FGGY: variants seen among roughly 807,000 people sequenced by gnomAD.
FGGY encodes FGGY carbohydrate kinase domain-containing protein.
In FGGY, 72 loss-of-function variants were observed where a neutral mutation model predicts 71.3. The observed-to-expected ratio is 1.01, with a 90% CI of 0.84 to 1.23. The LOEUF (loss-of-function observed/expected upper bound fraction) is 1.23, where lower values mean the gene tolerates loss of function less well. FGGY is among the 50% of genes most tolerant of loss of function. The pLI is 0.00. For missense variants in FGGY, 668 were observed against 682.3 expected, an observed-to-expected ratio of 0.98 and a Z score of 0.23; for synonymous variants, 251 against 250.3, an observed-to-expected ratio of 1.00 and a Z score of -0.02.
chr1:59,521,798 G>A (rs779669406), intron 7 of FGGY, among the ~76,000 whole-genome samples: 1 of 152,150 alleles, frequency 6.6e-6, no homozygotes, highest in Non-Finnish European at 1.5e-5. Flanking sequence ...TAGGAAAAGG[G>A]AATGACTCCT....
intron 14 of FGGY, among the ~76,000 whole-genome samples, chr1:59,750,324 T>C (rs1198161390): frequency 6.6e-6 from 1 of 152,162 alleles, no homozygotes; most frequent in East Asian, 1.9e-4. Flanking sequence ...TTGGTAGGCA[T>C]TTTTATAATT....
At chr1:59,616,819 A>G (rs943000940) in intron 9 of FGGY, among the ~76,000 whole-genome samples, 7 of 152,022 alleles carry the variant, frequency 4.6e-5, no homozygotes, top group African/African-American at 1.7e-4. Context: ...CTTTTCATGT[A>G]TTATCTAATT....
intron 8 of FGGY, among the ~76,000 whole-genome samples, chr1:59,576,470 T>G (rs927080806): frequency 7.2e-5 from 11 of 152,094 alleles, no homozygotes; most frequent in South Asian, 6.2e-4. Context: ...AAAGCCTAGA[T>G]GACGGGTTGA....
chr1:59,626,268 A>C (rs1257379473), intron 10 of FGGY: 6 of 459,128 alleles, frequency 1.3e-5, no homozygotes, highest in Non-Finnish European at 2.4e-5. Flanking sequence ...GAATATACCC[A>C]GGGACTATAG....
chr1:59,609,701 T>C (rs2096656143), intron 9 of FGGY, among the ~76,000 whole-genome samples: 1 of 152,270 alleles, frequency 6.6e-6, no homozygotes, highest in African/African-American at 2.4e-5. Context: ...CAAAGCTGGA[T>C]GTATATGCAA....
intron 8 of FGGY, among the ~76,000 whole-genome samples, chr1:59,569,546 A>G (rs1479402358): frequency 6.6e-6 from 1 of 152,170 alleles, no homozygotes; most frequent in Non-Finnish European, 1.5e-5. Context: ...TAGAACCTGA[A>G]AGAACCACAT....
At chr1:59,344,228 C>T (rs1198926388) in intron 3 of FGGY, among the ~76,000 whole-genome samples, 1 of 151,204 alleles carries the variant, frequency 6.6e-6, no homozygotes, top group African/African-American at 2.4e-5. Flanking sequence ...GATATCTTTC[C>T]AGTTAGGCAA....
At chr1:59,453,122 C>T (rs1294779331) in intron 5 of FGGY, among the ~76,000 whole-genome samples, 2 of 152,158 alleles carry the variant, frequency 1.3e-5, no homozygotes, top group African/African-American at 4.8e-5. Flanking sequence ...TTCAATTGTA[C>T]TCACTAAACT....
chr1:59,361,531 TG>T (rs2055517719), intron 4 of FGGY, among the ~76,000 whole-genome samples: 1 of 152,182 alleles, frequency 6.6e-6, no homozygotes, highest in Non-Finnish European at 1.5e-5. Flanking sequence ...GGGCTGCAAA[TG>T]CAGTATAGTG....
At chr1:59,366,010 A>G (rs1158197813) in intron 4 of FGGY, among the ~76,000 whole-genome samples, 1 of 152,178 alleles carries the variant, frequency 6.6e-6, no homozygotes, top group Non-Finnish European at 1.5e-5. Flanking sequence ...GACCCCATCT[A>G]CTTCAGCCTT....
chr1:59,655,753 A>G (rs1398154896), intron 11 of FGGY, among the ~76,000 whole-genome samples: 1 of 152,218 alleles, frequency 6.6e-6, no homozygotes, highest in Non-Finnish European at 1.5e-5. Context: ...AGCTTACTGA[A>G]AAAAGTAATT....
intron 5 of FGGY, among the ~76,000 whole-genome samples, chr1:59,439,549 C>T (rs1331546969): frequency 2.0e-5 from 3 of 152,148 alleles, no homozygotes; most frequent in Non-Finnish European, 4.4e-5. Context: ...CCTTAAAGAT[C>T]CTTTTAAAGA....
intron 14 of FGGY, among the ~76,000 whole-genome samples, chr1:59,683,051 T>C: frequency 6.6e-6 from 1 of 152,210 alleles, no homozygotes; most frequent in South Asian, 2.1e-4. Context: ...CTGTAGGTAA[T>C]GATAAAAACG....
intron 13 of FGGY, among the ~76,000 whole-genome samples, chr1:59,669,540 C>CTTTTTTTTTTTTTTTTTTTTTT (rs58004594): frequency 2.0e-5 from 2 of 102,498 alleles, no homozygotes; most frequent in African/African-American, 3.8e-5. Context: ...TTCTAGACTT[C>CTTTTTTTTTTTTTTTTTTTTTT]TTTTTTTTTT....
At chr1:59,502,593 G>A (rs2094259049) in intron 6 of FGGY, among the ~76,000 whole-genome samples, 1 of 152,188 alleles carries the variant, frequency 6.6e-6, no homozygotes, top group Non-Finnish European at 1.5e-5. Context: ...TTCTCTTTGT[G>A]ACTTATTGCC....
Position 59,657,874 on chromosome 1 carries a change from A to G in FGGY, c.1222-2345A>G, listed in dbSNP as rs544819392. Reference sequence around the variant, plus strand: ...TGGCAACATGGAGCAAGTAACTAAAAGTGTTCTTCCAGTGTTCTTTTCTCT... The same window carrying G: ...TGGCAACATGGAGCAAGTAACTAAAGGTGTTCTTCCAGTGTTCTTTTCTCT... On this transcript the variant is annotated intron_variant, in intron 11 of 15. Coordinates refer to ENST00000303721, the MANE Select transcript of FGGY (RefSeq NM_018291.5). Among the ~76,000 whole-genome samples the G allele has an allele frequency of 3.3e-5, 5 of 152,312 alleles. No homozygotes were observed. The South Asian group carries it at 8.3e-4, about 25-fold the overall frequency.
chr1:59,585,264 A>C (rs2096264973), intron 8 of FGGY, among the ~76,000 whole-genome samples: 1 of 152,214 alleles, frequency 6.6e-6, no homozygotes, highest in African/African-American at 2.4e-5. Flanking sequence ...ACCTGACTTC[A>C]AACTATACTA....
intron 10 of FGGY, among the ~76,000 whole-genome samples, chr1:59,636,678 G>A (rs1334908972): frequency 1.3e-5 from 2 of 151,552 alleles, no homozygotes; most frequent in African/African-American, 4.9e-5. Context: ...TGGTAAATGG[G>A]GAAAAAAAGA....
At chr1:59,423,507 C>T (rs1157864755) in intron 5 of FGGY, among the ~76,000 whole-genome samples, 1 of 152,184 alleles carries the variant, frequency 6.6e-6, no homozygotes, top group Non-Finnish European at 1.5e-5. Context: ...CAACAGCCTC[C>T]ATACTGGTCT....
Sources: allele counts gnomAD v4.1 joint callset (sites outside exome capture counted in the v4.1 genomes callset), GRCh38; gene constraint gnomAD v4.1.1; transcripts MANE v1.5; gene names NCBI Gene and HGNC (gene_info 2026-07-23, HGNC 2026-07-21).